Variants in SGCD observed in about 807,000 individuals in gnomAD.
SGCD encodes delta-sarcoglycan.
In SGCD, 18 loss-of-function variants were observed where a neutral mutation model predicts 36.6. That is an observed-to-expected ratio of 0.49 (90% CI 0.34 to 0.73). SGCD has a LOEUF of 0.73. SGCD is among the 30% of genes least tolerant of loss of function. The probability of loss-of-function intolerance (pLI) is 0.01; values close to 1 mark genes in which losing one functional copy is unlikely to be tolerated. For synonymous variants in SGCD, 133 were observed against 130.6 expected, an observed-to-expected ratio of 1.02 and a Z score of -0.12; for missense variants, 387 against 346.7, an observed-to-expected ratio of 1.12 and a Z score of -0.92.
intron 3 of SGCD, among the ~76,000 whole-genome samples, chr5:156,295,841 G>A (rs1232186703): frequency 6.6e-6 from 1 of 152,184 alleles, no homozygotes; most frequent in Non-Finnish European, 1.5e-5. Context: ...AAAGAAGCTA[G>A]TTTTGGATGT....
intron 3 of SGCD, among the ~76,000 whole-genome samples, chr5:156,392,729 G>A (rs1345415841): frequency 6.6e-6 from 1 of 152,178 alleles, no homozygotes; most frequent in Non-Finnish European, 1.5e-5. Context: ...AGGTAGGGTA[G>A]CCAGAAGGCA....
At chr5:156,457,168 A>C (rs1561708137) in intron 3 of SGCD, among the ~76,000 whole-genome samples, 1 of 152,176 alleles carries the variant, frequency 6.6e-6, no homozygotes, top group Non-Finnish European at 1.5e-5. Context: ...ATTTCTTCAA[A>C]ATAGTAAGGG....
At chr5:156,322,816 G>C (rs1580819378), upstream of SGCD, among the ~76,000 whole-genome samples, 1 of 152,188 alleles carries the variant, frequency 6.6e-6, no homozygotes, top group Non-Finnish European at 1.5e-5. Flanking sequence ...ACCAGTTGAG[G>C]GTTGCTGCTG....
intron 6 of SGCD, among the ~76,000 whole-genome samples, chr5:156,624,561 A>G (rs954479402): frequency 2.0e-5 from 3 of 152,182 alleles, no homozygotes; most frequent in Non-Finnish European, 4.4e-5. Context: ...AGCCTGGGTG[A>G]CAGAACAAGA....
chr5:155,838,117 C>G, the SGCD span, among the ~76,000 whole-genome samples: 1 of 152,126 alleles, frequency 6.6e-6, no homozygotes, highest in Non-Finnish European at 1.5e-5. Context: ...ATTGTTTTAT[C>G]TGTAACTATT....
chr5:156,057,709 G>A (rs1760095896), intron 1 of SGCD, among the ~76,000 whole-genome samples: 1 of 146,128 alleles, frequency 6.8e-6, no homozygotes, highest in Non-Finnish European at 1.5e-5. Flanking sequence ...GTCAAAGAGT[G>A]AGGATCCAAG....
intron 3 of SGCD, among the ~76,000 whole-genome samples, chr5:156,241,251 CGTGTGTGT>C (rs60843726): frequency 2.3e-3 from 340 of 145,180 alleles, no homozygotes; most frequent in Middle Eastern, 7.4e-3. Flanking sequence ...TAGACCAAAA[CGTGTGTGT>C]GTGTGTGTGT....
chr5:156,419,800 C>T (rs1450027815), intron 3 of SGCD, among the ~76,000 whole-genome samples: 1 of 152,090 alleles, frequency 6.6e-6, no homozygotes, highest in Non-Finnish European at 1.5e-5. Context: ...AGGCCTATTC[C>T]CATGGTTACA....
chr5:156,153,407 G>A (rs1762874387), intron 3 of SGCD, among the ~76,000 whole-genome samples: 1 of 151,496 alleles, frequency 6.6e-6, no homozygotes, highest in Admixed American at 6.6e-5. Flanking sequence ...CTCCATGAAG[G>A]GAAGTAGTTA....
chr5:155,940,294 T>C (rs575260758), intron 1 of SGCD, among the ~76,000 whole-genome samples: 73 of 152,338 alleles, frequency 4.8e-4, no homozygotes, highest in African/African-American at 1.7e-3. Context: ...TAAACCAGTG[T>C]AACCTTTATG....
intron 3 of SGCD, among the ~76,000 whole-genome samples, chr5:156,373,813 T>C (rs1770517830): frequency 6.6e-6 from 1 of 152,192 alleles, no homozygotes; most frequent in African/African-American, 2.4e-5. Context: ...GGGTGTGACA[T>C]AGTGGCATGG....
chr5:156,760,224 C>G lies in SGCD; in HGVS notation c.*834C>G, dbSNP rs892081005. 6.6e-6 allele frequency: 1 copy of G among 152,216 alleles called. No homozygotes were observed. The highest frequency in any genetic ancestry group is 1.5e-5 in the Non-Finnish European group (1 of 68,050). 9.4% of individuals were successfully genotyped at this position (152,216 alleles called of 1,614,324 possible). A position where few individuals can be genotyped will look rare whatever the true frequency, so the allele number is the denominator to read the frequency against. On this transcript the variant is annotated 3_prime_UTR_variant, in exon 9 of 9. Transcript: ENST00000337851. ...GGCAATGAACAAACGGGTGATATGT[C>G]TCTGTTTAAGGGAAAAATGGCTTAA...
chr5:156,431,689 C>G (rs751598618), intron 3 of SGCD, among the ~76,000 whole-genome samples: 6 of 152,078 alleles, frequency 3.9e-5, no homozygotes, highest in Non-Finnish European at 7.4e-5. Flanking sequence ...TTCCTGAGAG[C>G]CAGACTGCAA....
chr5:156,137,743 G>C (rs1417429405), intron 3 of SGCD, among the ~76,000 whole-genome samples: 3 of 152,018 alleles, frequency 2.0e-5, no homozygotes, highest in Non-Finnish European at 4.4e-5. Flanking sequence ...CTCAAATATG[G>C]GTGGGGCCGG....
chr5:155,806,982 G>C, the SGCD span, among the ~76,000 whole-genome samples: 1 of 152,178 alleles, frequency 6.6e-6, no homozygotes, highest in Non-Finnish European at 1.5e-5. Context: ...GACAATAGCT[G>C]TGAATGAGCA....
At chr5:155,992,323 A>G (rs1758448697) in intron 1 of SGCD, among the ~76,000 whole-genome samples, 1 of 152,122 alleles carries the variant, frequency 6.6e-6, no homozygotes, top group Admixed American at 6.6e-5. Context: ...TTGCTAAGGA[A>G]GGTCAGGGTA....
At position 156,668,181 on chromosome 5, in the gene SGCD, C is replaced by T. The variant is rs1017586507; in HGVS notation, c.575+20645C>T. 1.5e-4 allele frequency among the ~76,000 whole-genome samples: 23 copies of T among 152,322 alleles called. 2 individuals are homozygous for T. The highest frequency in any genetic ancestry group is 3.4e-3 in the Middle Eastern group (1 of 294). The stretch of plus-strand genomic sequence containing the variant: ...AACAGGAGGGTCCAAGAGCCACAGA[C>T]TAAGGCATGATATGATCCTCTTGAT... On this transcript the variant is annotated intron_variant, in intron 7 of 8. Transcript: ENST00000337851.
At position 156,761,952 on chromosome 5, in the gene SGCD, G is replaced by C. The variant is rs1454356642; in HGVS notation, c.*2562G>C. ...ACCACAGTATACAAAGTAATAAGCA[G>C]GAAATTTGATATGGGTTAAATTATG... On this transcript the variant is annotated 3_prime_UTR_variant, in exon 9 of 9. Coordinates refer to ENST00000337851, the MANE Select transcript of SGCD (RefSeq NM_000337.6). The C allele has an allele frequency of 1.3e-5, 2 of 152,344 alleles. No individual in the cohort carries two copies. Among genetic ancestry groups the C allele is most frequent in the African/African-American group, 2.4e-5 (1 of 41,420 alleles). The allele number at this position is 152,344 out of a possible 1,614,324, so 9.4% of individuals were successfully genotyped here. A position where few individuals can be genotyped will look rare whatever the true frequency, so the allele number is the denominator to read the frequency against.
intron 7 of SGCD, among the ~76,000 whole-genome samples, chr5:156,747,690 C>T (rs1273497186): frequency 6.6e-6 from 1 of 152,060 alleles, no homozygotes; most frequent in African/African-American, 2.4e-5. Flanking sequence ...ATCTTAAGCT[C>T]ATAAGTGATA....
Sources: gnomAD v4.1 joint callset for allele counts (sites outside exome capture counted in the v4.1 genomes callset) on GRCh38, gnomAD v4.1.1 for gene constraint, MANE v1.5 for transcripts, NCBI Gene and HGNC (gene_info 2026-07-23, HGNC 2026-07-21) for gene names.